AUH: variants seen among roughly 807,000 people sequenced by gnomAD.
The protein encoded by AUH is AU RNA binding methylglutaconyl-CoA hydratase.
A neutral mutation model predicts 42.3 loss-of-function variants in AUH; 29 were observed. The ratio of observed to expected loss-of-function variants is 0.69; its 90% CI spans 0.51 to 0.93. The LOEUF (loss-of-function observed/expected upper bound fraction) is 0.93. AUH is among the 40% of genes least tolerant of loss of function. The pLI is 0.00. For missense variants in AUH, 452 were observed against 438.1 expected, an observed-to-expected ratio of 1.03 and a Z score of -0.28; for synonymous variants, 174 against 166.4, an observed-to-expected ratio of 1.05 and a Z score of -0.35.
intron 5 of AUH, 97 bp downstream of exon 5, chr9:91,297,887 C>G: frequency 9.8e-7 from 1 of 1,019,916 alleles, no homozygotes; most frequent in Non-Finnish European, 1.5e-6. Context: ...ATATTCTACT[C>G]AACAACAGGA....
At chr9:91,290,774 G>T (rs912071978) in intron 6 of AUH, among the ~76,000 whole-genome samples, 9 of 152,090 alleles carry the variant, frequency 5.9e-5, no homozygotes, top group Non-Finnish European at 1.2e-4. Context: ...TCTGGTAGTT[G>T]TAACACAAAA....
chr9:91,259,184 C>T (rs947533162), intron 6 of AUH, among the ~76,000 whole-genome samples: 17 of 152,152 alleles, frequency 1.1e-4, no homozygotes, highest in African/African-American at 4.1e-4. Context: ...ATTACAAATT[C>T]AATTTCTTAA....
chr9:91,235,011 T>C (rs949914099), intron 6 of AUH, among the ~76,000 whole-genome samples: 1 of 151,680 alleles, frequency 6.6e-6, no homozygotes, highest in Non-Finnish European at 1.5e-5. Context: ...GTATGGCCCA[T>C]TGAAGGAGAC....
At chr9:91,218,705 TTC>T (rs1826962723) in intron 7 of AUH, 1 of 984,894 alleles carries the variant, frequency 1.0e-6, no homozygotes, top group African/African-American at 1.7e-5. Flanking sequence ...GTGCCTTTTC[TTC>T]TTTACAAGCC....
chr9:91,322,255 A>G (rs940998917), intron 4 of AUH, among the ~76,000 whole-genome samples: 1 of 152,240 alleles, frequency 6.6e-6, no homozygotes, highest in African/African-American at 2.4e-5. Context: ...GAACAGAAAG[A>G]CACTCTGGAA....
In AUH at chr9:91,295,822, C is replaced by T. The variant is rs561432879; in HGVS notation, c.655+199G>A. On this transcript the variant is annotated intron_variant, in intron 6 of 9. Coordinates refer to ENST00000375731, the MANE Select transcript of AUH (RefSeq NM_001698.3). ...AAAAAATTTGTGTGGCTTGCTCTAT[C>T]GCAGTATTTGTTTCATTGCGGTGGG... Among the ~76,000 whole-genome samples the T allele has an allele frequency of 2.0e-4, 31 of 152,276 alleles. No homozygotes were observed. The South Asian group carries it at 6.0e-3, about 29-fold the overall frequency.
intron 6 of AUH, 89 bp downstream of exon 6, chr9:91,295,932 G>A: frequency 7.0e-7 from 1 of 1,430,912 alleles, no homozygotes; most frequent in Non-Finnish European, 9.8e-7. Context: ...TACGCAAAAT[G>A]TTGCCTTTCC....
chr9:91,281,877 T>G (rs1825989576), intron 6 of AUH, among the ~76,000 whole-genome samples: 1 of 152,144 alleles, frequency 6.6e-6, no homozygotes, highest in Admixed American at 6.6e-5. Flanking sequence ...AGGAATAGGC[T>G]TCTTCCTTCT....
chr9:91,355,152 C>T (rs1832311263), intron 3 of AUH, among the ~76,000 whole-genome samples: 1 of 152,158 alleles, frequency 6.6e-6, no homozygotes. Flanking sequence ...GGCAATAAAA[C>T]CTTATCAAAA....
Position 91,220,785 on chromosome 9 carries a change from A to T in AUH, c.843+20T>A. 1 of 1,612,312 alleles carries T rather than the reference A, an allele frequency of 6.2e-7. No homozygotes were observed. The highest frequency in any genetic ancestry group is 8.5e-7 in the Non-Finnish European group (1 of 1,178,762). On this transcript the variant is annotated intron_variant, in intron 7 of 9. Transcript: ENST00000375731. ...TGTTTCCTAAAATGAGAAAAAATAAACTCATTTAATGAGAAATACCTGAGG... is the reference window on the plus strand; with the variant it reads ...TGTTTCCTAAAATGAGAAAAAATAATCTCATTTAATGAGAAATACCTGAGG...
rs940050363 is a variant in AUH, at chr9:91,236,216, T to G, written c.656-15224A>C. On this transcript the variant is annotated intron_variant, in intron 6 of 9. Coordinates refer to ENST00000375731, the MANE Select transcript of AUH (RefSeq NM_001698.3). ...TCAGGAGATGAGTTAGCATGATTAT[T>G]TTTTCCATCCCTAGCAATTTCTAGC... Among the ~76,000 whole-genome samples, 25 of 151,790 alleles carry G rather than the reference T, an allele frequency of 1.6e-4. 1 individual carries two copies. The highest frequency in any genetic ancestry group is 1.5e-5 in the Non-Finnish European group (1 of 67,926).
chr9:91,241,901 C>G (rs1243622381), intron 6 of AUH, among the ~76,000 whole-genome samples: 1 of 152,162 alleles, frequency 6.6e-6, no homozygotes, highest in African/African-American at 2.4e-5. Context: ...AAGAAAGAAA[C>G]TATGTCATCA....
chr9:91,331,818 TTC>T (rs1830346887), intron 3 of AUH, among the ~76,000 whole-genome samples: 3 of 152,206 alleles, frequency 2.0e-5, no homozygotes. Context: ...AAACACACTA[TTC>T]TCTGTTATGC....
Position 91,352,138 on chromosome 9 carries a change from T to C in AUH, c.418+3745A>G, listed in dbSNP as rs886277500. On this transcript the variant is annotated intron_variant, in intron 3 of 9. Transcript: ENST00000375731. ...TAAAATTACAAAATTTAGCTGGGCATGGTGGCACACACCTGTATCCCAGCT... is the reference window on the plus strand; with the variant it reads ...TAAAATTACAAAATTTAGCTGGGCACGGTGGCACACACCTGTATCCCAGCT... 1.2e-4 allele frequency among the ~76,000 whole-genome samples: 18 copies of C among 152,184 alleles called. No individual in the cohort carries two copies. In the East Asian group the frequency reaches 3.3e-3, roughly 28 times the overall value.
chr9:91,280,266 C>G (rs985930944), intron 6 of AUH, among the ~76,000 whole-genome samples: 1 of 152,192 alleles, frequency 6.6e-6, no homozygotes, highest in African/African-American at 2.4e-5. Context: ...CTTTCAACAT[C>G]TGCTTTCTAG....
chr9:91,245,548 T>A (rs963004582), intron 6 of AUH, among the ~76,000 whole-genome samples: 1 of 151,776 alleles, frequency 6.6e-6, no homozygotes, highest in Non-Finnish European at 1.5e-5. Context: ...AAAGCAAAAG[T>A]GAAAATAAAT....
chr9:91,246,330 C>T (rs1392923939), intron 6 of AUH, among the ~76,000 whole-genome samples: 2 of 152,200 alleles, frequency 1.3e-5, no homozygotes, highest in Non-Finnish European at 2.9e-5. Context: ...CTGGACAAGA[C>T]AGGCCAGCCT....
chr9:91,222,943 TC>T (rs1342691534), intron 6 of AUH, among the ~76,000 whole-genome samples: 1 of 152,216 alleles, frequency 6.6e-6, no homozygotes, highest in Non-Finnish European at 1.5e-5. Context: ...TCAAACTCGT[TC>T]ATCATATTGT....
intron 6 of AUH, among the ~76,000 whole-genome samples, chr9:91,248,720 C>T (rs1828939022): frequency 1.3e-5 from 2 of 152,054 alleles, no homozygotes; most frequent in South Asian, 2.1e-4. Flanking sequence ...GGACTTCAAG[C>T]GAAACAACAT....
Sources: gnomAD v4.1 joint callset for allele counts (sites outside exome capture counted in the v4.1 genomes callset) on GRCh38, gnomAD v4.1.1 for gene constraint, MANE v1.5 for transcripts, NCBI Gene and HGNC (gene_info 2026-07-23, HGNC 2026-07-21) for gene names.